C12orf42: variants seen among roughly 807,000 people sequenced by gnomAD.
The protein encoded by C12orf42 is uncharacterized protein C12orf42.
C12orf42 carries 25 observed loss-of-function variants against 21.6 expected under a neutral mutation model. That is an observed-to-expected ratio of 1.16 (90% CI 0.84 to 1.62). The LOEUF (loss-of-function observed/expected upper bound fraction) is 1.62, where lower values mean the gene tolerates loss of function less well. Ranked by LOEUF, C12orf42 falls within the 40% of genes most tolerant of loss-of-function variation. The pLI is 0.00. For synonymous variants in C12orf42, 174 were observed against 175.0 expected (o/e 0.99, Z 0.05); for missense variants, 483 against 459.3 (o/e 1.05, Z -0.47).
chr12:103,171,766 G>A, the C12orf42 span, among the ~76,000 whole-genome samples: 1 of 152,048 alleles, frequency 6.6e-6, no homozygotes, highest in Non-Finnish European at 1.5e-5. Flanking sequence ...CTACGCCTAG[G>A]TTTGGGGAAG....
chr12:103,417,709 G>A (rs1302892966), intron 2 of C12orf42, among the ~76,000 whole-genome samples: 1 of 152,206 alleles, frequency 6.6e-6, no homozygotes, highest in Non-Finnish European at 1.5e-5. Context: ...TACCTGGAAA[G>A]TTATACTGGG....
intron 10 of C12orf42, among the ~76,000 whole-genome samples, chr12:103,260,340 G>T (rs754761326): frequency 6.6e-6 from 1 of 152,160 alleles, no homozygotes; most frequent in Non-Finnish European, 1.5e-5. Context: ...GCTGACACAT[G>T]ATGAAGCTCT....
the C12orf42 span, among the ~76,000 whole-genome samples, chr12:103,522,593 T>G: frequency 6.6e-6 from 1 of 152,090 alleles, no homozygotes; most frequent in Non-Finnish European, 1.5e-5. Context: ...CCTCGACCAT[T>G]GGGATATGGG....
intron 10 of C12orf42, among the ~76,000 whole-genome samples, chr12:103,250,483 C>A (rs917500419): frequency 2.0e-5 from 3 of 152,034 alleles, no homozygotes; most frequent in Non-Finnish European, 4.4e-5. Flanking sequence ...CCTGAATAAA[C>A]CAACCATCAT....
the C12orf42 span, among the ~76,000 whole-genome samples, chr12:103,075,606 T>C: frequency 6.6e-6 from 1 of 152,224 alleles, no homozygotes; most frequent in Non-Finnish European, 1.5e-5. Flanking sequence ...ACCTCTTAAT[T>C]CATTTCATGA....
At chr12:103,453,877 C>A (rs1952116804) in intron 2 of C12orf42, among the ~76,000 whole-genome samples, 1 of 152,086 alleles carries the variant, frequency 6.6e-6, no homozygotes, top group Non-Finnish European at 1.5e-5. Flanking sequence ...TTGTTCACCA[C>A]CTTGTCTCTC....
intron 1 of C12orf42, among the ~76,000 whole-genome samples, chr12:103,492,513 G>C (rs1397501861): frequency 6.6e-6 from 1 of 152,078 alleles, no homozygotes; most frequent in African/African-American, 2.4e-5. Context: ...TCCCTCAACT[G>C]TGTTTCATAG....
At chr12:103,243,853 T>C (rs961728370) in intron 10 of C12orf42, among the ~76,000 whole-genome samples, 1 of 152,174 alleles carries the variant, frequency 6.6e-6, no homozygotes, top group Non-Finnish European at 1.5e-5. Flanking sequence ...ATATGTGTTA[T>C]ATCTGGAAGG....
intron 3 of C12orf42, among the ~76,000 whole-genome samples, chr12:103,394,733 G>C (rs1229268564): frequency 6.6e-6 from 1 of 152,188 alleles, no homozygotes; most frequent in Non-Finnish European, 1.5e-5. Flanking sequence ...AGCTTATTGG[G>C]AAGTACAGAT....
chr12:103,338,042 G>A (rs188477845), intron 4 of C12orf42, among the ~76,000 whole-genome samples: 311 of 152,132 alleles, frequency 2.0e-3, no homozygotes, highest in African/African-American at 6.9e-3. Context: ...CTATTTAGTT[G>A]CAGTCTTATC....
intron 2 of C12orf42, among the ~76,000 whole-genome samples, chr12:103,462,171 G>A (rs574908160): frequency 3.7e-5 from 5 of 134,464 alleles, no homozygotes; most frequent in East Asian, 2.3e-4. Context: ...GCAATGGTGC[G>A]ATCTCCACTC....
intron 4 of C12orf42, among the ~76,000 whole-genome samples, chr12:103,314,037 C>T (rs57342939): frequency 0.083 from 12,594 of 152,108 alleles, 525 homozygotes; most frequent in East Asian, 0.18. Flanking sequence ...GAGTGGAGAC[C>T]TGTGAAGATG....
the C12orf42 span, among the ~76,000 whole-genome samples, chr12:103,104,819 A>C: frequency 6.0e-4 from 92 of 152,354 alleles, no homozygotes; most frequent in Non-Finnish European, 1.1e-3. Flanking sequence ...TGAGGCATCC[A>C]CATAAGGTTC....
intron 1 of C12orf42, among the ~76,000 whole-genome samples, chr12:103,492,113 C>T (rs963598518): frequency 9.2e-5 from 14 of 152,130 alleles, no homozygotes; most frequent in Non-Finnish European, 7.3e-5. Context: ...TGCGCAACTA[C>T]GCCCAGCTAA....
chr12:103,275,126 C>A (rs939415800), intron 5 of C12orf42, among the ~76,000 whole-genome samples: 1 of 151,922 alleles, frequency 6.6e-6, no homozygotes, highest in Admixed American at 6.6e-5. Context: ...TTATTGATAT[C>A]TCCTACAACA....
chr12:103,268,523 G>T (rs1246460465), downstream of C12orf42: 1 of 148,692 alleles, frequency 6.7e-6, no homozygotes, highest in Non-Finnish European at 1.5e-5. Flanking sequence ...CCACCACTCA[G>T]GATCAAGCTC....
chr12:103,432,241 C>T (rs1010339815), intron 2 of C12orf42, among the ~76,000 whole-genome samples: 5 of 152,190 alleles, frequency 3.3e-5, no homozygotes, highest in African/African-American at 1.2e-4. Flanking sequence ...ACCCCACTTA[C>T]CCAGCTCCTG....
At chr12:103,483,141 G>C (rs1954587497) in intron 1 of C12orf42, among the ~76,000 whole-genome samples, 1 of 152,096 alleles carries the variant, frequency 6.6e-6, no homozygotes, top group African/African-American at 2.4e-5. Flanking sequence ...TGGACAGTGA[G>C]CTTCTCATTT....
chr12:103,486,551 G>A (rs1384823047), intron 1 of C12orf42, among the ~76,000 whole-genome samples: 1 of 151,726 alleles, frequency 6.6e-6, no homozygotes, highest in Non-Finnish European at 1.5e-5. Flanking sequence ...GTTCTTCTTT[G>A]TACCTCTGGT....
Sources: allele counts gnomAD v4.1 joint callset (sites outside exome capture counted in the v4.1 genomes callset), GRCh38; gene constraint gnomAD v4.1.1; transcripts MANE v1.5; gene names NCBI Gene and HGNC (gene_info 2026-07-23, HGNC 2026-07-21).